GALNT17: variants seen among roughly 807,000 people sequenced by gnomAD.
GALNT17 encodes the protein polypeptide N-acetylgalactosaminyltransferase 17.
Under a neutral mutation model 63.7 loss-of-function variants are expected in GALNT17, and 29 were observed. That is an observed-to-expected ratio of 0.46 (90% CI 0.34 to 0.62). The LOEUF is 0.62. GALNT17 is among the 20% of genes least tolerant of loss of function. The pLI is 0.01. For synonymous variants in GALNT17, 305 were observed against 318.3 expected (o/e 0.96, Z 0.45); for missense variants, 603 against 799.6 (o/e 0.75, Z 2.97).
chr7:71,138,629 G>A lies in GALNT17; in HGVS notation c.238+5589G>A, dbSNP rs1189622088. 4.6e-5 allele frequency among the ~76,000 whole-genome samples: 7 copies of A among 152,178 alleles called. No homozygotes were observed. In the East Asian group the frequency reaches 1.3e-3, roughly 29 times the overall value. On this transcript the variant is annotated intron_variant, in intron 1 of 10. Coordinates refer to ENST00000333538, the MANE Select transcript of GALNT17 (RefSeq NM_022479.3). ...ACAATTATACAGGATACAATACCAT[G>A]TTAAAAAAATTTAACATGATTGCGT...
At chr7:71,413,125 G>A (rs570341083) in intron 3 of GALNT17, among the ~76,000 whole-genome samples, 153 of 152,316 alleles carry the variant, frequency 1.0e-3, no homozygotes, top group South Asian at 4.6e-3. Flanking sequence ...TCATGATACT[G>A]TCATCTAAGT....
chr7:71,199,052 A>T (rs10260271), intron 1 of GALNT17, among the ~76,000 whole-genome samples: 75 of 152,132 alleles, frequency 4.9e-4, no homozygotes, highest in Middle Eastern at 3.4e-3. Context: ...GAGAACCTCT[A>T]TGTGGCCGCG....
At chr7:71,214,221 C>T (rs1789432981) in intron 1 of GALNT17, among the ~76,000 whole-genome samples, 1 of 152,150 alleles carries the variant, frequency 6.6e-6, no homozygotes, top group Non-Finnish European at 1.5e-5. Context: ...ATGAATAGTT[C>T]CTTCAGGTGC....
intron 2 of GALNT17, among the ~76,000 whole-genome samples, chr7:71,354,979 T>C (rs1394882526): frequency 1.3e-5 from 2 of 152,206 alleles, no homozygotes; most frequent in Non-Finnish European, 2.9e-5. Context: ...AATTTATTTG[T>C]ATAGGGATCT....
chr7:71,295,717 G>A (rs2115845599), intron 1 of GALNT17, among the ~76,000 whole-genome samples: 1 of 152,026 alleles, frequency 6.6e-6, no homozygotes, highest in African/African-American at 2.4e-5. Flanking sequence ...TCCTGCCTCA[G>A]CCTCCCGAGT....
intron 6 of GALNT17, among the ~76,000 whole-genome samples, chr7:71,580,457 T>C (rs11766732): frequency 0.26 from 39,067 of 151,962 alleles, 5,136 homozygotes; most frequent in Admixed American, 0.27. Context: ...GAGACATAGA[T>C]AGTCTCAAGT....
intron 1 of GALNT17, among the ~76,000 whole-genome samples, chr7:71,185,540 T>C (rs1788834114): frequency 6.7e-6 from 1 of 148,434 alleles, no homozygotes; most frequent in African/African-American, 2.5e-5. Context: ...TTTTTTTTTT[T>C]GAGACGGAGT....
chr7:71,519,633 T>C (rs1295281546), intron 5 of GALNT17, among the ~76,000 whole-genome samples: 1 of 152,032 alleles, frequency 6.6e-6, no homozygotes, highest in Non-Finnish European at 1.5e-5. Flanking sequence ...CCAGGTAATT[T>C]TTGCATTTTT....
At chr7:71,380,989 C>T (rs916274904) in intron 2 of GALNT17, among the ~76,000 whole-genome samples, 7 of 151,330 alleles carry the variant, frequency 4.6e-5, no homozygotes, top group African/African-American at 1.7e-4. Flanking sequence ...AAGACAGGAT[C>T]TCGCTCCGTC....
intron 5 of GALNT17, among the ~76,000 whole-genome samples, chr7:71,532,209 T>C (rs1239875003): frequency 6.6e-6 from 1 of 152,092 alleles, no homozygotes; most frequent in East Asian, 1.9e-4. Flanking sequence ...TGCTTGTGCC[T>C]CCCATTGGCA....
chr7:71,381,809 G>A (rs1430491094), intron 2 of GALNT17, among the ~76,000 whole-genome samples: 11 of 152,254 alleles, frequency 7.2e-5, no homozygotes, highest in South Asian at 2.1e-4. Flanking sequence ...AACCTGCGGC[G>A]CAAAGAGTGG....
chr7:71,349,563 A>T (rs969101072), intron 2 of GALNT17, among the ~76,000 whole-genome samples: 2 of 152,244 alleles, frequency 1.3e-5, no homozygotes, highest in African/African-American at 2.4e-5. Context: ...TAAACCAGAT[A>T]AAAGCAAAGG....
intron 9 of GALNT17, among the ~76,000 whole-genome samples, chr7:71,701,640 T>C (rs1242227894): frequency 1.3e-5 from 2 of 151,234 alleles, no homozygotes; most frequent in Non-Finnish European, 2.9e-5. Flanking sequence ...TGTATGTTCA[T>C]CACAGCACTA....
At chr7:71,586,446 T>C (rs140245962) in intron 6 of GALNT17, among the ~76,000 whole-genome samples, 1 of 152,230 alleles carries the variant, frequency 6.6e-6, no homozygotes, top group African/African-American at 2.4e-5. Context: ...AATAATTGGG[T>C]TGTTTCCAAT....
intron 5 of GALNT17, among the ~76,000 whole-genome samples, chr7:71,427,799 C>G (rs1247157197): frequency 6.6e-6 from 1 of 152,050 alleles, no homozygotes; most frequent in African/African-American, 2.4e-5. Flanking sequence ...ACATTCCCTC[C>G]TGAGCTCGGC....
intron 1 of GALNT17, among the ~76,000 whole-genome samples, chr7:71,187,888 A>T (rs1788881464): frequency 6.6e-6 from 1 of 152,054 alleles, no homozygotes. Context: ...CACCCTTTCC[A>T]CCTGAGTCTC....
chr7:71,426,592 A>G (rs1328097177), intron 5 of GALNT17, among the ~76,000 whole-genome samples: 1 of 152,136 alleles, frequency 6.6e-6, no homozygotes, highest in Non-Finnish European at 1.5e-5. Context: ...GCTTTTACTC[A>G]TGGCAGAAGG....
intron 1 of GALNT17, chr7:71,300,587 C>CAT: frequency 5.8e-6 from 2 of 347,324 alleles, no homozygotes; most frequent in South Asian, 4.3e-5. Flanking sequence ...TACACACACA[C>CAT]ATGCATGCGC....
chr7:71,614,461 T>C (rs1192345723), intron 6 of GALNT17, among the ~76,000 whole-genome samples: 1 of 152,052 alleles, frequency 6.6e-6, no homozygotes. Flanking sequence ...AGATCTCATC[T>C]CTACAAAAAA....
Sources: allele counts gnomAD v4.1 joint callset (sites outside exome capture counted in the v4.1 genomes callset), GRCh38; gene constraint gnomAD v4.1.1; transcripts MANE v1.5; gene names NCBI Gene and HGNC (gene_info 2026-07-23, HGNC 2026-07-21).